Variants in GSN observed in about 807,000 individuals in gnomAD.
The protein encoded by GSN is actin-depolymerizing factor.
Under a neutral mutation model 85.7 loss-of-function variants are expected in GSN, and 56 were observed. The ratio of observed to expected loss-of-function variants is 0.65; its 90% CI spans 0.53 to 0.82. The LOEUF is 0.82. Ranked by LOEUF, GSN falls within the 40% of genes least tolerant of loss-of-function variation. The pLI, the probability that GSN is intolerant of heterozygous loss-of-function variation, is 0.00. For synonymous variants in GSN, 373 were observed against 399.1 expected (o/e 0.93, Z 0.78); for missense variants, 857 against 979.8 (o/e 0.87, Z 1.67).
upstream of GSN, among the ~76,000 whole-genome samples, chr9:121,264,482 A>T (rs2055156917): frequency 6.6e-6 from 1 of 152,194 alleles, no homozygotes; most frequent in South Asian, 2.1e-4. Context: ...GAAATTGAGC[A>T]ATCAGTTCGT....
chr9:121,306,374 A>C (rs2060421485), intron 4 of GSN, among the ~76,000 whole-genome samples: 1 of 152,160 alleles, frequency 6.6e-6, no homozygotes. Context: ...TTTTCATGTA[A>C]ATCTTCATTG....
intron 2 of GSN, among the ~76,000 whole-genome samples, chr9:121,291,829 G>A (rs185556553): frequency 8.5e-5 from 13 of 152,268 alleles, no homozygotes; most frequent in Non-Finnish European, 1.3e-4. Flanking sequence ...GAGAGGTTGT[G>A]TCCCTTGCTC....
intron 2 of GSN, among the ~76,000 whole-genome samples, chr9:121,287,154 CTTTG>C (rs1368133415): frequency 2.0e-5 from 3 of 152,120 alleles, no homozygotes; most frequent in Admixed American, 6.5e-5. Context: ...TCAGGGAAAG[CTTTG>C]TTTGGCGATT....
intron 5 of GSN, among the ~76,000 whole-genome samples, chr9:121,233,194 G>A (rs545582385): frequency 1.9e-4 from 29 of 152,212 alleles, no homozygotes; most frequent in East Asian, 1.4e-3. Flanking sequence ...AGCCAGGCGC[G>A]GTGGCTCATG....
In GSN at chr9:121,323,371, G is replaced by GTTTT. The variant is rs59056849; in HGVS notation, c.1326-1168_1326-1165dup. On this transcript the variant is annotated intron_variant, in intron 11 of 17. Transcript: ENST00000432226. Reference sequence around the variant, plus strand: ...AAATTTCCTCAGTTTTCCCATTACCGTTTTTTTTTTTTTTTTTTAGACAGA... The same window carrying GTTTT: ...AAATTTCCTCAGTTTTCCCATTACCGTTTTTTTTTTTTTTTTTTTTTTAGACAGA... Among the ~76,000 whole-genome samples, 185 of 117,738 alleles carry GTTTT rather than the reference G, an allele frequency of 1.6e-3. 21 individuals are homozygous for GTTTT. The highest frequency in any genetic ancestry group is 9.3e-3 in the South Asian group (33 of 3,538). The allele number at this position is 117,738 out of a possible 152,430, so 77.2% of individuals were successfully genotyped here.
intron 17 of GSN, 24 bp downstream of exon 17, chr9:121,331,472 CG>C (rs1589264097): frequency 4.8e-5 from 67 of 1,387,474 alleles, no homozygotes; most frequent in East Asian, 9.8e-5. Flanking sequence ...TGCCTGGGGG[CG>C]GGGGGAGGGG....
chr9:121,310,262 C>T (rs565138427), intron 4 of GSN: 14 of 294,342 alleles, frequency 4.8e-5, no homozygotes, highest in African/African-American at 2.4e-4. Flanking sequence ...CTTATTTGAC[C>T]GTGGAACTCT....
intron 5 of GSN, chr9:121,312,071 G>T (rs1276402991): frequency 4.9e-6 from 2 of 405,218 alleles, no homozygotes; most frequent in Non-Finnish European, 4.5e-6. Context: ...ATTCCCTTCA[G>T]CAGGCAAACA....
chr9:121,300,235 T>C (rs1036282401), intron 2 of GSN: 8 of 757,880 alleles, frequency 1.1e-5, no homozygotes, highest in Admixed American at 9.0e-5. Context: ...GCCGGATTTC[T>C]TTTCCCCTGT....
rs531053117 is a variant in GSN at position 121,299,301 on chromosome 9, C to T, written c.-9-2662C>T. ...CCGGGTCCCCTGCCCTGCTGCGGCG[C>T]ATGCTGCCTGGTGGGGGTTCTGCCC... On this transcript the variant is annotated intron_variant, in intron 2 of 17. Transcript: ENST00000432226. The surrounding 1 kb of genome is among the most constrained non-coding windows in gnomAD (Gnocchi z 4.2). 1.1e-5 allele frequency: 11 copies of T among 985,316 alleles called. No homozygotes were observed. The East Asian group carries it at 1.2e-3, about 112-fold the overall frequency. The allele number at this position is 985,316 out of a possible 1,614,324, so 61.0% of individuals were successfully genotyped here.
chr9:121,242,594 C>CT (rs2054626339), intron 5 of GSN, among the ~76,000 whole-genome samples: 1 of 152,150 alleles, frequency 6.6e-6, no homozygotes, highest in Admixed American at 6.5e-5. Context: ...TGAGAAATTT[C>CT]TTTTTCTGCA....
chr9:121,318,884 C>T lies in GSN; in HGVS notation c.1191+4C>T, dbSNP rs372713895. On this transcript the variant is annotated splice_donor_region_variant and intron_variant, in intron 10 of 17. Transcript: ENST00000432226. This position sits in a 1 kb window ranked among gnomAD's most constrained non-coding sequence, Gnocchi z 4.3. ...CGATGGCACAGGCCAGAAACAGGTA[C>T]GTTTAGGGCGTGGGGTGGGTGTGTC... 8.4e-5 allele frequency: 136 copies of T among 1,609,550 alleles called. No homozygotes were observed. The highest frequency in any genetic ancestry group is 3.3e-4 in the Admixed American group (20 of 59,998).
intron 5 of GSN, chr9:121,238,876 C>T: frequency 1.9e-6 from 1 of 532,100 alleles, no homozygotes; most frequent in South Asian, 1.4e-5. Context: ...TTCCCAATAG[C>T]TTGCCTACAG....
chr9:121,311,981 G>C (rs577237564), intron 5 of GSN: 2 of 251,312 alleles, frequency 8.0e-6, no homozygotes, highest in African/African-American at 4.5e-5. Flanking sequence ...AAGGAGGATT[G>C]CTGGGTCATA....
intron 2 of GSN, among the ~76,000 whole-genome samples, chr9:121,289,786 A>T (rs985530942): frequency 6.6e-6 from 1 of 151,904 alleles, no homozygotes; most frequent in Non-Finnish European, 1.5e-5. Flanking sequence ...GGCACAGGGG[A>T]TGTTGTTGGG....
At chr9:121,283,272 G>A (rs960077202) in intron 2 of GSN, 1 of 165,200 alleles carries the variant, frequency 6.1e-6, no homozygotes, top group African/African-American at 2.4e-5. Flanking sequence ...TAGGGCCCTG[G>A]TTTTCTTTTT....
At chr9:121,320,055 G>A (rs1199192338) in intron 10 of GSN, among the ~76,000 whole-genome samples, 2 of 152,322 alleles carry the variant, frequency 1.3e-5, no homozygotes, top group East Asian at 1.9e-4. Context: ...ACCCCTGGCA[G>A]CCTGACTGTG....
intron 6 of GSN, among the ~76,000 whole-genome samples, chr9:121,250,536 GGT>G (rs369338024): frequency 6.6e-6 from 1 of 151,210 alleles, no homozygotes; most frequent in African/African-American, 2.4e-5. Context: ...ACACCTGTTT[GGT>G]GTGTGTGTGT....
At chr9:121,306,428 A>G (rs1035653639) in intron 4 of GSN, among the ~76,000 whole-genome samples, 5 of 152,246 alleles carry the variant, frequency 3.3e-5, no homozygotes, top group Non-Finnish European at 7.3e-5. Context: ...ATATAAGCTT[A>G]TTGTAAAATG....
Sources: allele counts gnomAD v4.1 joint callset (sites outside exome capture counted in the v4.1 genomes callset), GRCh38; gene constraint gnomAD v4.1.1; non-coding constraint Gnocchi (gnomAD v3.1); transcripts MANE v1.5; gene names NCBI Gene and HGNC (gene_info 2026-07-23, HGNC 2026-07-21).